ATP2C1: variants seen among roughly 807,000 people sequenced by gnomAD.
The protein encoded by ATP2C1 is ATPase secretory pathway Ca2+ transporting 1.
A neutral mutation model predicts 120.5 loss-of-function variants in ATP2C1; 31 were observed. The ratio of observed to expected loss-of-function variants is 0.26; its 90% confidence interval spans 0.19 to 0.35. The LOEUF is 0.35. ATP2C1 is among the 10% of genes least tolerant of loss of function. ATP2C1 has a pLI of 1.00. For missense variants in ATP2C1, 731 were observed against 1,107.5 expected, an observed-to-expected ratio of 0.66 and a Z score of 4.83; for synonymous variants, 351 against 358.7, an observed-to-expected ratio of 0.98 and a Z score of 0.24.
intron 17 of ATP2C1, among the ~76,000 whole-genome samples, chr3:130,972,265 G>T (rs2061349467): frequency 6.6e-6 from 1 of 152,084 alleles, no homozygotes; most frequent in African/African-American, 2.4e-5. Flanking sequence ...TTGTGGCTGG[G>T]TTCCTAACAT....
At chr3:130,885,936 T>C (rs2068960892) in intron 1 of ATP2C1, among the ~76,000 whole-genome samples, 1 of 152,204 alleles carries the variant, frequency 6.6e-6, no homozygotes, top group Non-Finnish European at 1.5e-5. Context: ...TTGTTGTAAA[T>C]ATTCATATAG....
intron 1 of ATP2C1, among the ~76,000 whole-genome samples, chr3:130,857,510 C>T (rs1264105265): frequency 6.6e-6 from 1 of 152,232 alleles, no homozygotes; most frequent in Non-Finnish European, 1.5e-5. Context: ...CCACCCTAGC[C>T]CAAAGACCGT....
At chr3:130,983,111 G>T (rs551493395) in intron 20 of ATP2C1, among the ~76,000 whole-genome samples, 148 of 152,198 alleles carry the variant, frequency 9.7e-4, no homozygotes, top group Admixed American at 1.6e-3. Context: ...TATATATAGA[G>T]AGAGAGAGTT....
chr3:130,962,745 GA>G (rs1272425484), intron 12 of ATP2C1, among the ~76,000 whole-genome samples: 8 of 138,688 alleles, frequency 5.8e-5, no homozygotes, highest in African/African-American at 2.1e-4. Flanking sequence ...AAAGAAAAAA[GA>G]AAAAAAAGGA....
In ATP2C1 at chr3:130,932,132, T is replaced by G; in HGVS notation, c.228T>G (p.Ile76Met). Residue 76 changes from isoleucine to methionine, a missense_variant, in exon 4 of 28, where the codon ATT (isoleucine) becomes ATG (methionine). Physicochemically the swap from Ile to Met is conservative, Grantham distance 10 (BLOSUM62 1). Around this residue, in one of 3 missense-constraint regions of ATP2C1, gnomAD observed 571 missense variants for 845.9 expected, o/e 0.67. Transcript: ENST00000510168. Reference sequence around the variant, plus strand: ...ATGAGCCACTGTGGAAGAAGTATATTTCTCAGGTGAGATACTTTTACTTCC... The same window carrying G: ...ATGAGCCACTGTGGAAGAAGTATATGTCTCAGGTGAGATACTTTTACTTCC... ...SEDEPLWKKYISQFKNPLIML... is the reference protein window; with the variant it reads ...SEDEPLWKKYMSQFKNPLIML... 1 of 1,579,294 alleles carries G rather than the reference T, an allele frequency of 6.3e-7. No homozygotes were observed. Among genetic ancestry groups the G allele is most frequent in the Non-Finnish European group, 8.7e-7 (1 of 1,148,448 alleles).
At chr3:131,006,385 T>G (rs544018599), downstream of ATP2C1, among the ~76,000 whole-genome samples, 3 of 152,370 alleles carry the variant, frequency 2.0e-5, no homozygotes, top group South Asian at 6.2e-4. Context: ...GTGCTGGGAT[T>G]ACGGGCATGA....
Position 130,874,175 on chromosome 3 carries a change from C to T in ATP2C1, c.108+23247C>T, listed in dbSNP as rs572729761. 3.3e-5 allele frequency among the ~76,000 whole-genome samples: 5 copies of T among 150,494 alleles called. No homozygotes were observed. In the East Asian group the frequency reaches 9.7e-4, roughly 29 times the overall value. On this transcript the variant is annotated intron_variant, in intron 1 of 26. Coordinates refer to the ATP2C1 transcript ENST00000504381. Reference sequence around the variant, plus strand: ...AAAATCTAGTGCCCAGGGCATGCAACTATATAAGTAAAAATTCTAAAAGAT... The same window carrying T: ...AAAATCTAGTGCCCAGGGCATGCAATTATATAAGTAAAAATTCTAAAAGAT...
chr3:130,872,073 T>C (rs2068452401), intron 1 of ATP2C1, among the ~76,000 whole-genome samples: 1 of 150,004 alleles, frequency 6.7e-6, no homozygotes, highest in South Asian at 2.1e-4. Flanking sequence ...CCTAAGAATA[T>C]AATCTAAAAT....
chr3:130,967,021 A>G, intron 14 of ATP2C1, 124 bp from the exon 15 acceptor site: 1 of 775,152 alleles, frequency 1.3e-6, no homozygotes, highest in Non-Finnish European at 2.3e-6. Flanking sequence ...CTAGGTGAAC[A>G]CTTTTAACAG....
chr3:131,004,149 T>A (rs1369180897), downstream of ATP2C1, among the ~76,000 whole-genome samples: 1 of 152,232 alleles, frequency 6.6e-6, no homozygotes, highest in Non-Finnish European at 1.5e-5. Flanking sequence ...CCATTTACTT[T>A]AAAAATACAC....
chr3:131,009,532 T>A (rs2063238860), intron 26 of ATP2C1, among the ~76,000 whole-genome samples: 1 of 152,238 alleles, frequency 6.6e-6, no homozygotes, highest in African/African-American at 2.4e-5. Flanking sequence ...CTTTCATGTA[T>A]TATCTCATTC....
chr3:130,931,471 T>A (rs1298335225), intron 3 of ATP2C1, among the ~76,000 whole-genome samples: 2 of 152,080 alleles, frequency 1.3e-5, no homozygotes, highest in African/African-American at 4.8e-5. Flanking sequence ...ACCCCAGGGT[T>A]TTGATAGGCC....
chr3:130,883,231 C>T (rs748789634), intron 1 of ATP2C1, among the ~76,000 whole-genome samples: 120 of 151,948 alleles, frequency 7.9e-4, no homozygotes, highest in South Asian at 2.3e-3. Flanking sequence ...TGGGTCTTTT[C>T]CTTTTTTTTC....
intron 8 of ATP2C1, among the ~76,000 whole-genome samples, chr3:130,949,026 C>G: frequency 6.6e-6 from 1 of 152,074 alleles, no homozygotes; most frequent in Admixed American, 6.6e-5. Context: ...CTCTGAGAAA[C>G]AGCAATATGG....
At chr3:131,016,490 G>A (rs2063639533) in exon 27 of ATP2C1, 1 of 852,208 alleles carries the variant, frequency 1.2e-6, no homozygotes, top group Non-Finnish European at 1.8e-6. Context: ...ATGCCTTGCT[G>A]TATAAATTGA....
chr3:130,999,817 A>C (rs188290278), intron 27 of ATP2C1, among the ~76,000 whole-genome samples, 158 bp downstream of exon 27: 22 of 152,306 alleles, frequency 1.4e-4, no homozygotes, highest in Admixed American at 9.8e-4. Context: ...GCTCAGGGGA[A>C]TTACTCTCCT....
At chr3:130,925,395 C>T (rs1036117878) in intron 2 of ATP2C1, among the ~76,000 whole-genome samples, 4 of 152,182 alleles carry the variant, frequency 2.6e-5, no homozygotes, top group South Asian at 4.2e-4. Context: ...CTAGTACTGG[C>T]GAGTGTCTGT....
At chr3:130,904,032 A>G (rs1385349476) in intron 2 of ATP2C1, among the ~76,000 whole-genome samples, 1 of 152,014 alleles carries the variant, frequency 6.6e-6, no homozygotes, top group African/African-American at 2.4e-5. Flanking sequence ...TTGGATGCAA[A>G]TTCAATTATG....
chr3:130,902,936 G>A (rs1031905327), intron 2 of ATP2C1, among the ~76,000 whole-genome samples: 2 of 151,866 alleles, frequency 1.3e-5, no homozygotes, highest in African/African-American at 4.8e-5. Context: ...TAGCCTCAGT[G>A]TTTAAAGTCT....
Sources: gnomAD v4.1 joint callset for allele counts (sites outside exome capture counted in the v4.1 genomes callset) on GRCh38, gnomAD v4.1.1 for gene constraint, gnomAD v4.1.1 regional missense constraint, MANE v1.5 for transcripts, NCBI Gene and HGNC (gene_info 2026-07-23, HGNC 2026-07-21) for gene names.